LZTFL1: variants seen among roughly 807,000 people sequenced by gnomAD.
LZTFL1 encodes the protein leucine zipper transcription factor like 1.
In LZTFL1, 25 loss-of-function variants were observed where a neutral mutation model predicts 45.9. The observed-to-expected ratio is 0.54, with a 90% CI of 0.40 to 0.76. The LOEUF is 0.76. Among genes scored for constraint, LZTFL1 ranks in the 30% least tolerant of loss-of-function variants. The pLI, the probability that LZTFL1 is intolerant of heterozygous loss-of-function variation, is 0.00. For synonymous variants in LZTFL1, 93 were observed against 117.4 expected, an observed-to-expected ratio of 0.79 and a Z score of 1.35; for missense variants, 277 against 331.1, an observed-to-expected ratio of 0.84 and a Z score of 1.27.
intron 2 of LZTFL1, among the ~76,000 whole-genome samples, chr3:45,860,352 ATG>A (rs1305179680): frequency 2.0e-5 from 3 of 152,026 alleles, no homozygotes; most frequent in Non-Finnish European, 4.4e-5. Context: ...ATGTGCAAGA[ATG>A]TGTGTGTGTA....
In LZTFL1 at chr3:45,842,071, G is replaced by A. The variant is rs1435259215; in HGVS notation, c.-80C>T. On this transcript the variant is annotated 5_prime_UTR_variant, in exon 1 of 10. Coordinates refer to ENST00000296135, the MANE Select transcript of LZTFL1 (RefSeq NM_020347.4). Reference sequence around the variant, plus strand: ...GCCAAGCCTGGGATCGCCGAGGGTAGTTGGACCACAGAAAATGGGGAAGGA... The same window carrying A: ...GCCAAGCCTGGGATCGCCGAGGGTAATTGGACCACAGAAAATGGGGAAGGA... 1 of 1,591,418 alleles carries A rather than the reference G, an allele frequency of 6.3e-7. No individual in the cohort carries two copies. The highest frequency in any genetic ancestry group is 1.1e-5 in the South Asian group (1 of 88,360).
At chr3:45,833,964 A>G (rs1488202070) in intron 4 of LZTFL1, among the ~76,000 whole-genome samples, 1 of 152,232 alleles carries the variant, frequency 6.6e-6, no homozygotes, top group Non-Finnish European at 1.5e-5. Flanking sequence ...TGCGCTCTGA[A>G]TCTTCTGAGT....
chr3:45,908,840 C>G (rs1702733230), intron 2 of LZTFL1, among the ~76,000 whole-genome samples: 1 of 152,176 alleles, frequency 6.6e-6, no homozygotes, highest in African/African-American at 2.4e-5. Flanking sequence ...CAGGGGTCCC[C>G]AACCCCTGGG....
upstream of LZTFL1, among the ~76,000 whole-genome samples, chr3:45,845,752 TA>T (rs1701208575): frequency 6.6e-6 from 1 of 152,188 alleles, no homozygotes; most frequent in Non-Finnish European, 1.5e-5. Flanking sequence ...ATAGAAAATG[TA>T]AACAAAAAAT....
At chr3:45,884,389 G>C (rs79006711) in intron 2 of LZTFL1, among the ~76,000 whole-genome samples, 15,709 of 152,070 alleles carry the variant, frequency 0.1, 2,385 homozygotes, top group African/African-American at 0.33. Flanking sequence ...ACTTCCTTGC[G>C]TCTTCCCTTC....
At chr3:45,877,756 T>C (rs1386866435) in intron 2 of LZTFL1, among the ~76,000 whole-genome samples, 3 of 151,456 alleles carry the variant, frequency 2.0e-5, no homozygotes, top group African/African-American at 7.3e-5. Flanking sequence ...TTTTTTTTTT[T>C]TTCCTGAGAC....
upstream of LZTFL1, among the ~76,000 whole-genome samples, chr3:45,845,377 C>T (rs1428072392): frequency 6.6e-6 from 1 of 152,146 alleles, no homozygotes; most frequent in Admixed American, 6.5e-5. Flanking sequence ...AGATAGTTCA[C>T]TTCTGTTGAG....
At chr3:45,850,284 G>A (rs181251198) in intron 4 of LZTFL1, among the ~76,000 whole-genome samples, 114 of 152,316 alleles carry the variant, frequency 7.5e-4, no homozygotes, top group Middle Eastern at 6.8e-3. Context: ...GAGAATGGAG[G>A]CTAAGTGAAT....
chr3:45,827,344 A>T lies in LZTFL1; in HGVS notation c.881+12T>A, dbSNP rs760773130. On this transcript the variant is annotated intron_variant, in intron 9 of 9. Coordinates refer to ENST00000296135, the MANE Select transcript of LZTFL1 (RefSeq NM_020347.4). ...GAGAGAGAAATCCAAAGGCGGGATC[A>T]GTGTGGCTTACTGTGCCAGTCTTTT... 6.4e-7 allele frequency: 1 copy of T among 1,552,566 alleles called. No individual in the cohort carries two copies. Among genetic ancestry groups the T allele is most frequent in the Non-Finnish European group, 8.9e-7 (1 of 1,124,204 alleles).
chr3:45,852,773 A>G (rs763153775), intron 4 of LZTFL1, among the ~76,000 whole-genome samples: 4 of 152,208 alleles, frequency 2.6e-5, no homozygotes, highest in Admixed American at 1.3e-4. Context: ...TTAATAATGA[A>G]AAGAGAAAAC....
At chr3:45,890,306 T>TAAATAAC (rs1702122094) in intron 2 of LZTFL1, among the ~76,000 whole-genome samples, 1 of 15,466 alleles carries the variant, frequency 6.5e-5, no homozygotes. Flanking sequence ...ATATATAACA[T>TAAATAAC]ATATATATAT....
intron 2 of LZTFL1, among the ~76,000 whole-genome samples, chr3:45,878,319 G>T (rs1430255395): frequency 6.6e-6 from 1 of 152,168 alleles, no homozygotes; most frequent in African/African-American, 2.4e-5. Flanking sequence ...TGATTGTTTT[G>T]ATGTGGCCAT....
At chr3:45,870,363 G>A (rs1701652456) in intron 2 of LZTFL1, among the ~76,000 whole-genome samples, 1 of 152,238 alleles carries the variant, frequency 6.6e-6, no homozygotes, top group African/African-American at 2.4e-5. Context: ...CAGTTAATCA[G>A]AAAGGCCTGC....
chr3:45,897,461 C>A, intron 2 of LZTFL1: 1 of 757,384 alleles, frequency 1.3e-6, no homozygotes, highest in Non-Finnish European at 2.3e-6. Flanking sequence ...GGGATTCAGT[C>A]TTGGGAGTGT....
At chr3:45,883,405 C>T (rs12631321) in intron 2 of LZTFL1, among the ~76,000 whole-genome samples, 11,560 of 152,184 alleles carry the variant, frequency 0.076, 490 homozygotes, top group African/African-American at 0.1. Context: ...TGGGAGGCAA[C>T]CCCGTTAACT....
intron 2 of LZTFL1, chr3:45,903,080 T>A (rs1702608485): frequency 6.0e-6 from 1 of 167,156 alleles, no homozygotes; most frequent in South Asian, 2.1e-4. Context: ...GGAAAAGTGC[T>A]TTTTAATGTG....
chr3:45,892,345 TGTG>T (rs1702206973), intron 2 of LZTFL1, among the ~76,000 whole-genome samples: 1 of 152,004 alleles, frequency 6.6e-6, no homozygotes, highest in Non-Finnish European at 1.5e-5. Flanking sequence ...ATAAGGAAAA[TGTG>T]GTACATATAC....
At chr3:45,876,841 A>G (rs1434418444) in intron 2 of LZTFL1, among the ~76,000 whole-genome samples, 1 of 152,152 alleles carries the variant, frequency 6.6e-6, no homozygotes, top group African/African-American at 2.4e-5. Context: ...ATGAAAAGAG[A>G]AATGAGCTAA....
Position 45,827,463 on chromosome 3 carries a change from CT to C in LZTFL1, c.778-5del. On this transcript the variant is annotated splice_polypyrimidine_tract_variant and splice_region_variant and intron_variant, in intron 8 of 9. Transcript: ENST00000296135. Reference sequence around the variant, plus strand: ...GCTGAAATTTCTTTTCTAATTCCTGCTTAGTAAAAAATGTCAGCCCATTACT... The same window carrying C: ...GCTGAAATTTCTTTTCTAATTCCTGCTAGTAAAAAATGTCAGCCCATTACT... 2 of 1,589,394 alleles carry C rather than the reference CT, an allele frequency of 1.3e-6. No individual in the cohort carries two copies. The highest frequency in any genetic ancestry group is 1.7e-6 in the Non-Finnish European group (2 of 1,158,140).
Sources: gnomAD v4.1 joint callset for allele counts (sites outside exome capture counted in the v4.1 genomes callset) on GRCh38, gnomAD v4.1.1 for gene constraint, MANE v1.5 for transcripts, NCBI Gene and HGNC (gene_info 2026-07-23, HGNC 2026-07-21) for gene names.